RBM47: variants seen among roughly 807,000 people sequenced by gnomAD.
RBM47 encodes RNA binding motif protein 47, also known as RNA-binding protein 47.
A neutral mutation model predicts 47.1 loss-of-function variants in RBM47; 21 were observed. The ratio of observed to expected loss-of-function variants is 0.45; its 90% confidence interval spans 0.32 to 0.64. RBM47 has a LOEUF of 0.64. Ranked by LOEUF, RBM47 falls within the 30% of genes least tolerant of loss-of-function variation. The pLI is 0.05. For synonymous variants in RBM47, 375 were observed against 361.7 expected (o/e 1.04, Z -0.42); for missense variants, 708 against 870.9 (o/e 0.81, Z 2.35).
intron 3 of RBM47, among the ~76,000 whole-genome samples, chr4:40,441,985 G>A (rs957503840): frequency 2.0e-5 from 3 of 152,136 alleles, no homozygotes; most frequent in Non-Finnish European, 2.9e-5. Context: ...GGAAGTTCAC[G>A]ATTGATTTTT....
At chr4:40,492,565 C>A (rs1722031582) in intron 2 of RBM47, among the ~76,000 whole-genome samples, 1 of 152,124 alleles carries the variant, frequency 6.6e-6, no homozygotes, top group South Asian at 2.1e-4. Context: ...GTCCATGTTC[C>A]ATGTTCTCCA....
In RBM47 at chr4:40,438,682, C is replaced by T; in HGVS notation, c.212G>A (p.Cys71Tyr). ...GWEGPHPQRG[C>Y]EVFVGKIPRD... ...CGGGATCTTGCCCACGAAGACCTCG[C>T]AGCCACGCTGCGGGTGCGGGCCCTC... Residue 71 changes from cysteine to tyrosine, a missense_variant, in exon 4 of 7, where the codon TGC (cysteine) becomes TAC (tyrosine). Physicochemically the swap from Cys to Tyr is radical, Grantham distance 194. Coordinates refer to ENST00000295971, the MANE Select transcript of RBM47 (RefSeq NM_001098634.2). 6.2e-7 allele frequency: 1 copy of T among 1,611,844 alleles called. No individual in the cohort carries two copies. The highest frequency in any genetic ancestry group is 8.5e-7 in the Non-Finnish European group (1 of 1,179,010).
intron 3 of RBM47, among the ~76,000 whole-genome samples, chr4:40,460,315 A>G (rs1361329667): frequency 6.6e-6 from 1 of 152,006 alleles, no homozygotes; most frequent in Non-Finnish European, 1.5e-5. Flanking sequence ...ACAAGGAAAT[A>G]GGCACATAAA....
chr4:40,533,534 A>T (rs543791665), intron 2 of RBM47, among the ~76,000 whole-genome samples: 1 of 152,106 alleles, frequency 6.6e-6, no homozygotes, highest in African/African-American at 2.4e-5. Context: ...AGTTTACACC[A>T]GAGGTTATCT....
At chr4:40,461,873 T>G (rs542576806) in intron 3 of RBM47, among the ~76,000 whole-genome samples, 27 of 151,342 alleles carry the variant, frequency 1.8e-4, no homozygotes, top group African/African-American at 6.1e-4. Flanking sequence ...AGGCAGAGGT[T>G]GCAGTGAGCC....
intron 2 of RBM47, among the ~76,000 whole-genome samples, chr4:40,532,906 AG>A (rs1560450619): frequency 6.6e-6 from 1 of 152,092 alleles, no homozygotes; most frequent in Non-Finnish European, 1.5e-5. Flanking sequence ...GCAAAATTTT[AG>A]GGGTAGAGTA....
At chr4:40,430,955 G>A (rs1715895515) in intron 6 of RBM47, among the ~76,000 whole-genome samples, 2 of 151,940 alleles carry the variant, frequency 1.3e-5, no homozygotes, top group African/African-American at 4.8e-5. Flanking sequence ...ATGGTGGTGC[G>A]TGTTTGTGGT....
At chr4:40,428,076 C>T (rs1577586998) in intron 6 of RBM47, among the ~76,000 whole-genome samples, 1 of 152,050 alleles carries the variant, frequency 6.6e-6, no homozygotes, top group East Asian at 1.9e-4. Flanking sequence ...TCCTGTAGTT[C>T]CAGCTACTCA....
In RBM47 at chr4:40,524,824, G is replaced by A. The variant is rs556879780; in HGVS notation, c.-155+19598C>T. 3.2e-4 allele frequency among the ~76,000 whole-genome samples: 48 copies of A among 152,248 alleles called. No homozygotes were observed. In the South Asian group the frequency reaches 8.7e-3, roughly 28 times the overall value. ...ATGAATGAAAAGCCACTGGGAGCCC[G>A]GTACTGCGCTAGAATCTTCTTTGAG... On this transcript the variant is annotated intron_variant, in intron 2 of 6. Transcript: ENST00000295971.
At chr4:40,433,262 A>G (rs1170798287) in intron 5 of RBM47, among the ~76,000 whole-genome samples, 4 of 152,008 alleles carry the variant, frequency 2.6e-5, no homozygotes, top group Admixed American at 2.6e-4. Flanking sequence ...CGCCCAGCCT[A>G]AGATATTTTT....
chr4:40,529,315 T>C (rs1472284720), intron 2 of RBM47, among the ~76,000 whole-genome samples: 1 of 151,280 alleles, frequency 6.6e-6, no homozygotes, highest in African/African-American at 2.4e-5. Context: ...TGAGACCAGA[T>C]GGGCCAACCA....
At position 40,424,562 on chromosome 4, in the gene RBM47, T is replaced by C. The variant is rs1483061391; in HGVS notation, c.*1342A>G. ...AGGACTAAAAACAAGCATTAGAAGATATTTACAAACTATCTTTAAACTTCT... is the reference window on the plus strand; with the variant it reads ...AGGACTAAAAACAAGCATTAGAAGACATTTACAAACTATCTTTAAACTTCT... On this transcript the variant is annotated 3_prime_UTR_variant, in exon 7 of 7. Coordinates refer to ENST00000295971, the MANE Select transcript of RBM47 (RefSeq NM_001098634.2). 6.6e-6 allele frequency: 1 copy of C among 152,314 alleles called. No individual in the cohort carries two copies. The highest frequency in any genetic ancestry group is 1.5e-5 in the Non-Finnish European group (1 of 68,042). 9.4% of individuals were successfully genotyped at this position (152,314 alleles called of 1,614,324 possible). A position where few individuals can be genotyped will look rare whatever the true frequency, so the allele number is the denominator to read the frequency against.
At position 40,567,213 on chromosome 4, in the gene RBM47, G is replaced by A. The variant is rs190953920; in HGVS notation, c.-239-22707C>T. On this transcript the variant is annotated intron_variant, in intron 1 of 6. Transcript: ENST00000295971. ...CAGTGGAGTCAGAGACATTGAACTC[G>A]GGCAGTGTCACTTTCTAACAACTTC... 2.2e-3 allele frequency among the ~76,000 whole-genome samples: 335 copies of A among 151,906 alleles called. 5 individuals are homozygous for A. The highest frequency in any genetic ancestry group is 7.5e-3 in the African/African-American group (311 of 41,498).
rs778859052 is a variant in RBM47, at chr4:40,438,571, C to G, written c.323G>C (p.Gly108Ala). 7 of 1,613,964 alleles carry G rather than the reference C, an allele frequency of 4.3e-6. No individual in the cohort carries two copies. The Admixed American group carries it at 1.0e-4, about 23-fold the overall frequency. ...YELRLMMDFD[G>A]KNRGYAFVMY... ...GACGAAGGCGTAGCCGCGGTTCTTG[C>G]CGTCAAAGTCCATCATGAGGCGCAG... Residue 108 changes from glycine (G) to alanine (A), a missense_variant, in exon 4 of 7, where the codon GGC becomes GCC. Transcript: ENST00000295971.
chr4:40,569,444 CT>C (rs1160956510), intron 1 of RBM47, among the ~76,000 whole-genome samples: 42 of 149,106 alleles, frequency 2.8e-4, no homozygotes, highest in Non-Finnish European at 5.2e-4. Flanking sequence ...GAGTCTGGCT[CT>C]GTCGCCCAGG....
rs1271341484 is a variant in RBM47, at chr4:40,496,359, CACACA to C, written c.-154-29665_-154-29661del. ...ACACACACACACACACACACACACA[CACACA>C]AAGAGAGAAAAACCTAGAATCTTTG... On this transcript the variant is annotated intron_variant, in intron 2 of 6. Transcript: ENST00000295971. 6.3e-3 allele frequency among the ~76,000 whole-genome samples: 646 copies of C among 102,664 alleles called. 3 individuals carry two copies. The highest frequency in any genetic ancestry group is 0.027 in the African/African-American group (598 of 22,432). The allele number at this position is 102,664 out of a possible 152,430, so 67.4% of individuals were successfully genotyped here.
chr4:40,490,813 G>A (rs1213774629), intron 2 of RBM47, among the ~76,000 whole-genome samples: 1 of 151,882 alleles, frequency 6.6e-6, no homozygotes, highest in South Asian at 2.1e-4. Context: ...ATAGAAGACT[G>A]AACGCTGCTA....
At chr4:40,489,209 TG>T (rs1269531102) in intron 2 of RBM47, among the ~76,000 whole-genome samples, 11 of 152,078 alleles carry the variant, frequency 7.2e-5, no homozygotes, top group African/African-American at 2.4e-4. Context: ...AAATGGAGCT[TG>T]GGGGAATGGA....
intron 2 of RBM47, among the ~76,000 whole-genome samples, chr4:40,539,327 GGT>G (rs1560455278): frequency 2.0e-5 from 3 of 152,030 alleles, no homozygotes; most frequent in African/African-American, 7.2e-5. Flanking sequence ...TTGACCTTTG[GGT>G]GTATTTGCTC....
Sources: allele counts gnomAD v4.1 joint callset (sites outside exome capture counted in the v4.1 genomes callset), GRCh38; gene constraint gnomAD v4.1.1; transcripts MANE v1.5; gene names NCBI Gene and HGNC (gene_info 2026-07-23, HGNC 2026-07-21).